PRKG1: variants seen among roughly 807,000 people sequenced by gnomAD.
The protein encoded by PRKG1 is protein kinase cGMP-dependent 1, also known as cGMP-dependent protein kinase 1.
Under a neutral mutation model 88.1 loss-of-function variants are expected in PRKG1, and 35 were observed. That is an observed-to-expected ratio of 0.40 (90% CI 0.30 to 0.53). PRKG1 has a LOEUF of 0.53. Among genes scored for constraint, PRKG1 ranks in the 20% least tolerant of loss-of-function variants. The pLI is 0.59. For missense variants in PRKG1, 540 were observed against 839.8 expected, an observed-to-expected ratio of 0.64 and a Z score of 4.41; for synonymous variants, 303 against 292.5, an observed-to-expected ratio of 1.04 and a Z score of -0.37.
intron 3 of PRKG1, among the ~76,000 whole-genome samples, chr10:51,635,758 G>T (rs1486549751): frequency 6.6e-6 from 1 of 152,118 alleles, no homozygotes; most frequent in Non-Finnish European, 1.5e-5. Flanking sequence ...GTAACTGTGG[G>T]TCTAGATTAA....
intron 2 of PRKG1, among the ~76,000 whole-genome samples, chr10:51,430,507 T>C (rs1231802667): frequency 6.6e-6 from 1 of 152,144 alleles, no homozygotes; most frequent in East Asian, 1.9e-4. Context: ...ACACTACTAC[T>C]GTTGTGAATA....
chr10:51,878,404 A>T (rs1841354222), intron 4 of PRKG1, among the ~76,000 whole-genome samples: 1 of 152,192 alleles, frequency 6.6e-6, no homozygotes, highest in African/African-American at 2.4e-5. Flanking sequence ...TGTAAGTGGC[A>T]AATCTATACC....
intron 4 of PRKG1, among the ~76,000 whole-genome samples, chr10:51,871,633 A>G (rs1406450470): frequency 2.0e-5 from 3 of 152,178 alleles, no homozygotes; most frequent in African/African-American, 7.2e-5. Flanking sequence ...ACAAATACAT[A>G]GTCCATCCCA....
intron 3 of PRKG1, among the ~76,000 whole-genome samples, chr10:51,592,147 T>C (rs1166314797): frequency 2.0e-5 from 3 of 152,134 alleles, no homozygotes; most frequent in African/African-American, 7.2e-5. Context: ...CTTTTTCTCA[T>C]TTGATTGAAG....
intron 3 of PRKG1, among the ~76,000 whole-genome samples, chr10:51,642,158 A>G (rs1420785364): frequency 6.6e-6 from 1 of 152,138 alleles, no homozygotes; most frequent in Non-Finnish European, 1.5e-5. Context: ...TTGGGAGGCC[A>G]AGGCGGCCGG....
At chr10:51,146,016 A>C (rs10995851) in intron 1 of PRKG1, among the ~76,000 whole-genome samples, 67,782 of 151,562 alleles carry the variant, frequency 0.45, 15,258 homozygotes, top group African/African-American at 0.53. Context: ...AAAATACGAA[A>C]AAACAAACAA....
intron 3 of PRKG1, among the ~76,000 whole-genome samples, chr10:51,670,746 AAATAAAT>A (rs759078688): frequency 0.12 from 11,531 of 95,816 alleles, 752 homozygotes; most frequent in Admixed American, 0.16. Context: ...AAAAAAAAAT[AAATAAAT>A]AAATAAATAA....
At chr10:51,499,265 G>A (rs1220019803) in intron 3 of PRKG1, among the ~76,000 whole-genome samples, 1 of 152,168 alleles carries the variant, frequency 6.6e-6, no homozygotes, top group Non-Finnish European at 1.5e-5. Flanking sequence ...CTCTATGAGT[G>A]TAGAAGAGAA....
chr10:52,082,155 A>G (rs1380167778), intron 7 of PRKG1, among the ~76,000 whole-genome samples: 3 of 152,120 alleles, frequency 2.0e-5, no homozygotes, highest in African/African-American at 7.2e-5. Context: ...AATAAATCAC[A>G]TCTTGTGACA....
intron 4 of PRKG1, among the ~76,000 whole-genome samples, chr10:51,855,089 C>A (rs1053589329): frequency 3.3e-5 from 5 of 152,180 alleles, no homozygotes; most frequent in African/African-American, 1.2e-4. Flanking sequence ...AATCATTCAG[C>A]ATAATGTCGT....
At chr10:51,063,887 C>T (rs1306792149) in intron 1 of PRKG1, among the ~76,000 whole-genome samples, 1 of 151,978 alleles carries the variant, frequency 6.6e-6, no homozygotes, top group Non-Finnish European at 1.5e-5. Flanking sequence ...GTATTTTAGT[C>T]ATTAGAAATT....
intron 3 of PRKG1, among the ~76,000 whole-genome samples, chr10:51,786,720 TTAATATTTCC>T (rs1302445920): frequency 1.3e-5 from 2 of 152,196 alleles, no homozygotes; most frequent in African/African-American, 4.8e-5. Flanking sequence ...TACTTGGCAT[TTAATATTTCC>T]TAAATATGTA....
intron 5 of PRKG1, among the ~76,000 whole-genome samples, chr10:52,051,237 G>A (rs142718542): frequency 1.4e-4 from 21 of 152,280 alleles, no homozygotes; most frequent in African/African-American, 4.6e-4. Context: ...TAGGTTAAGA[G>A]TTCTTCAATT....
At chr10:51,856,989 G>GAAAGTAA (rs1554849198) in intron 4 of PRKG1, among the ~76,000 whole-genome samples, 102 of 138,810 alleles carry the variant, frequency 7.3e-4, no homozygotes, top group Middle Eastern at 3.7e-3. Flanking sequence ...AAAAAAAAAA[G>GAAAGTAA]AAAGAAAGTA....
chr10:51,939,755 A>G (rs1842867178), intron 5 of PRKG1, among the ~76,000 whole-genome samples: 2 of 150,744 alleles, frequency 1.3e-5, no homozygotes, highest in African/African-American at 2.5e-5. Context: ...GGAATAATAC[A>G]TATATATTTG....
chr10:51,680,827 G>A (rs911596233), intron 3 of PRKG1, among the ~76,000 whole-genome samples: 2 of 152,180 alleles, frequency 1.3e-5, no homozygotes, highest in African/African-American at 2.4e-5. Context: ...AGCAGGATCC[G>A]TTCTGGTTTT....
intron 1 of PRKG1, among the ~76,000 whole-genome samples, chr10:51,113,409 T>C (rs962289707): frequency 6.6e-6 from 1 of 152,150 alleles, no homozygotes; most frequent in Non-Finnish European, 1.5e-5. Flanking sequence ...TGTGAATAGT[T>C]ATTATCCCAC....
chr10:51,897,173 G>T (rs563767550), intron 4 of PRKG1, among the ~76,000 whole-genome samples: 7 of 152,300 alleles, frequency 4.6e-5, no homozygotes, highest in African/African-American at 1.4e-4. Context: ...AGCTTGCTAA[G>T]GGGAATAATT....
intron 2 of PRKG1, among the ~76,000 whole-genome samples, chr10:51,379,243 C>T (rs757547965): frequency 6.6e-6 from 1 of 152,038 alleles, no homozygotes; most frequent in Admixed American, 6.5e-5. Flanking sequence ...GTAATAATAA[C>T]AATAATGAAG....
Sources: gnomAD v4.1 joint callset for allele counts (sites outside exome capture counted in the v4.1 genomes callset) on GRCh38, gnomAD v4.1.1 for gene constraint, MANE v1.5 for transcripts, NCBI Gene and HGNC (gene_info 2026-07-23, HGNC 2026-07-21) for gene names.